Variants in SND1 observed in about 807,000 individuals in gnomAD.
The protein encoded by SND1 is staphylococcal nuclease and tudor domain containing 1.
A neutral mutation model predicts 121.7 loss-of-function variants in SND1; 38 were observed. The observed-to-expected ratio is 0.31, with a 90% CI of 0.24 to 0.41. The LOEUF is 0.41. Among genes scored for constraint, SND1 ranks in the 10% least tolerant of loss-of-function variants. The pLI, the probability that SND1 is intolerant of heterozygous loss-of-function variation, is 1.00. For missense variants in SND1, 868 were observed against 1,184.6 expected (o/e 0.73, Z 3.92); for synonymous variants, 401 against 447.4 (o/e 0.90, Z 1.31).
intron 16 of SND1, chr7:128,030,126 G>A: frequency 6.2e-7 from 1 of 1,614,172 alleles, no homozygotes; most frequent in Non-Finnish European, 8.5e-7. Flanking sequence ...GCGCATGAGG[G>A]AGGGCACCCG....
intron 15 of SND1, among the ~76,000 whole-genome samples, chr7:127,979,028 G>A (rs1802196124): frequency 6.6e-6 from 1 of 152,084 alleles, no homozygotes; most frequent in South Asian, 2.1e-4. Flanking sequence ...ATGCTTCAGA[G>A]CGTGTTGGCG....
intron 10 of SND1, among the ~76,000 whole-genome samples, chr7:127,790,688 C>A (rs1584574795): frequency 6.6e-6 from 1 of 152,144 alleles, no homozygotes; most frequent in Admixed American, 6.5e-5. Flanking sequence ...CTTGTAATCA[C>A]CTGTAGGATT....
At chr7:127,859,567 T>C (rs1799341769) in intron 12 of SND1, among the ~76,000 whole-genome samples, 1 of 152,216 alleles carries the variant, frequency 6.6e-6, no homozygotes, top group Non-Finnish European at 1.5e-5. Context: ...TTAGGTTGTG[T>C]TACATCATTC....
intron 1 of SND1, among the ~76,000 whole-genome samples, chr7:127,669,516 A>G (rs559856140): frequency 1.3e-5 from 2 of 152,248 alleles, no homozygotes; most frequent in South Asian, 2.1e-4. Flanking sequence ...CTCAGTCACT[A>G]CCTATATCCT....
At chr7:127,792,411 G>A (rs904067503) in intron 10 of SND1, among the ~76,000 whole-genome samples, 4 of 152,144 alleles carry the variant, frequency 2.6e-5, no homozygotes, top group African/African-American at 9.7e-5. Context: ...TAGCTACTGT[G>A]TCAGGATCCA....
At chr7:128,001,726 G>A (rs147747107) in intron 16 of SND1, among the ~76,000 whole-genome samples, 1 of 152,220 alleles carries the variant, frequency 6.6e-6, no homozygotes, top group African/African-American at 2.4e-5. Context: ...GAGATCGGGA[G>A]TTCAAGACCA....
chr7:127,823,384 A>C (rs1798584048), intron 11 of SND1, among the ~76,000 whole-genome samples: 1 of 152,116 alleles, frequency 6.6e-6, no homozygotes, highest in African/African-American at 2.4e-5. Flanking sequence ...GCTGGGAGAG[A>C]ACTCAACATC....
chr7:127,656,575 A>G (rs1795213775), intron 1 of SND1, among the ~76,000 whole-genome samples: 2 of 152,000 alleles, frequency 1.3e-5, no homozygotes, highest in African/African-American at 2.4e-5. Context: ...TCGGCCTCCC[A>G]AAGTGCTGGG....
At chr7:128,030,211 C>G (rs765859093) in intron 16 of SND1, 2 of 1,614,098 alleles carry the variant, frequency 1.2e-6, no homozygotes, top group African/African-American at 2.7e-5. Flanking sequence ...GACAGGTATT[C>G]AAAGGCCCCG....
intron 13 of SND1, among the ~76,000 whole-genome samples, chr7:127,893,012 A>G (rs1366596353): frequency 1.3e-5 from 2 of 152,080 alleles, no homozygotes; most frequent in African/African-American, 4.8e-5. Flanking sequence ...GGCCTGCTAC[A>G]TATGCCTAGT....
At chr7:128,011,868 A>G (rs1472167231) in intron 16 of SND1, among the ~76,000 whole-genome samples, 1 of 152,218 alleles carries the variant, frequency 6.6e-6, no homozygotes, top group Non-Finnish European at 1.5e-5. Flanking sequence ...CCACAAAGAA[A>G]AGGGGGATAG....
intron 16 of SND1, among the ~76,000 whole-genome samples, chr7:128,061,269 C>A (rs1277235185): frequency 6.6e-6 from 1 of 152,222 alleles, no homozygotes; most frequent in African/African-American, 2.4e-5. Flanking sequence ...ATGCTGCTGA[C>A]CCATCCTACA....
At chr7:127,660,563 T>C (rs1260144345) in intron 1 of SND1, among the ~76,000 whole-genome samples, 1 of 152,228 alleles carries the variant, frequency 6.6e-6, no homozygotes, top group African/African-American at 2.4e-5. Context: ...GTTTCAGTTT[T>C]TGGAATATTT....
At chr7:128,066,397 A>C (rs1202437067) in intron 16 of SND1, among the ~76,000 whole-genome samples, 1 of 151,960 alleles carries the variant, frequency 6.6e-6, no homozygotes, top group Non-Finnish European at 1.5e-5. Flanking sequence ...AAAGCAATCC[A>C]CTCTGTGGGC....
In SND1 at chr7:127,720,941, AG is replaced by A. The variant is rs987719739; in HGVS notation, c.1039-345del. The stretch of plus-strand genomic sequence containing the variant: ...CACATTGAGATTTTGATTTTAGTTT[AG>A]AAGCTGTTTCAAGGAAAATCTTCAA... On this transcript the variant is annotated intron_variant, in intron 9 of 23. Transcript: ENST00000354725. 1.6e-4 allele frequency among the ~76,000 whole-genome samples: 25 copies of A among 152,270 alleles called. 1 individual carries two copies. The highest frequency in any genetic ancestry group is 5.5e-4 in the African/African-American group (23 of 41,544).
chr7:128,079,656 C>T (rs556280652), intron 17 of SND1, among the ~76,000 whole-genome samples: 2 of 152,358 alleles, frequency 1.3e-5, no homozygotes, highest in Admixed American at 1.3e-4. Flanking sequence ...GCTCAGGCCG[C>T]GTTAAAGGCA....
At chr7:127,698,445 C>T (rs1411473976) in intron 3 of SND1, among the ~76,000 whole-genome samples, 1 of 152,206 alleles carries the variant, frequency 6.6e-6, no homozygotes, top group Non-Finnish European at 1.5e-5. Flanking sequence ...GCTCTCCCCA[C>T]TTTAGAGATG....
chr7:127,778,580 A>C (rs1162720834), intron 10 of SND1, among the ~76,000 whole-genome samples: 1 of 152,228 alleles, frequency 6.6e-6, no homozygotes, highest in Non-Finnish European at 1.5e-5. Flanking sequence ...GTTTGTAGTC[A>C]GACTGACCTG....
At chr7:127,852,299 G>T (rs1271981640) in intron 12 of SND1, among the ~76,000 whole-genome samples, 1 of 150,938 alleles carries the variant, frequency 6.6e-6, no homozygotes, top group Non-Finnish European at 1.5e-5. Flanking sequence ...GTTCAGACCA[G>T]CCTAGCCAAT....
Sources: allele counts gnomAD v4.1 joint callset (sites outside exome capture counted in the v4.1 genomes callset), GRCh38; gene constraint gnomAD v4.1.1; transcripts MANE v1.5; gene names NCBI Gene and HGNC (gene_info 2026-07-23, HGNC 2026-07-21).